TNRC6A: variants seen among roughly 807,000 people sequenced by gnomAD.
TNRC6A encodes the protein trinucleotide repeat containing adaptor 6A.
In TNRC6A, 44 loss-of-function variants were observed where a neutral mutation model predicts 221.2. The ratio of observed to expected loss-of-function variants is 0.20; its 90% confidence interval spans 0.16 to 0.26. The LOEUF (loss-of-function observed/expected upper bound fraction) is 0.26. Ranked by LOEUF, TNRC6A falls within the 10% of genes least tolerant of loss-of-function variation. The pLI, the probability that TNRC6A is intolerant of heterozygous loss-of-function variation, is 1.00. For synonymous variants in TNRC6A, 847 were observed against 838.5 expected, an observed-to-expected ratio of 1.01 and a Z score of -0.18; for missense variants, 2,199 against 2,404.4, an observed-to-expected ratio of 0.91 and a Z score of 1.79.
chr16:24,642,117 T>C (rs1311266088), intron 2 of TNRC6A, among the ~76,000 whole-genome samples: 1 of 152,100 alleles, frequency 6.6e-6, no homozygotes, highest in Non-Finnish European at 1.5e-5. Context: ...TGATCGTGTG[T>C]CTCCTGACAG....
intron 2 of TNRC6A, among the ~76,000 whole-genome samples, chr16:24,741,190 G>A (rs896077284): frequency 2.0e-5 from 3 of 152,132 alleles, no homozygotes; most frequent in Non-Finnish European, 2.9e-5. Context: ...GCTCAGTGTC[G>A]AATAGGAAGT....
At chr16:24,754,384 A>T (rs2151443468) in intron 3 of TNRC6A, among the ~76,000 whole-genome samples, 1 of 152,308 alleles carries the variant, frequency 6.6e-6, no homozygotes, top group Non-Finnish European at 1.5e-5. Flanking sequence ...GCCCCAATAC[A>T]TTTCTAATTA....
At chr16:24,706,620 A>T (rs973066280) in intron 2 of TNRC6A, among the ~76,000 whole-genome samples, 1 of 149,534 alleles carries the variant, frequency 6.7e-6, no homozygotes, top group African/African-American at 2.5e-5. Context: ...TGAACCCAGG[A>T]GACGGAGCTT....
chr16:24,643,448 G>A (rs986866996), intron 2 of TNRC6A, among the ~76,000 whole-genome samples: 1 of 152,020 alleles, frequency 6.6e-6, no homozygotes, highest in Non-Finnish European at 1.5e-5. Context: ...TTTGCTTTAT[G>A]TGGTTTCTTT....
chr16:24,816,756 T>A, intron 19 of TNRC6A, 60 bp from the exon 20 acceptor site: 2 of 1,557,078 alleles, frequency 1.3e-6, no homozygotes, highest in South Asian at 2.5e-5. Flanking sequence ...TTTGGATATT[T>A]ATTAATGGAT....
intron 19 of TNRC6A, chr16:24,815,989 G>C (rs965682736): frequency 1.3e-5 from 2 of 153,118 alleles, no homozygotes; most frequent in Middle Eastern, 6.8e-3. Flanking sequence ...TTTGTGATTT[G>C]TCTTAAAGCT....
At chr16:24,700,696 C>T (rs904458496) in intron 2 of TNRC6A, among the ~76,000 whole-genome samples, 3 of 152,198 alleles carry the variant, frequency 2.0e-5, no homozygotes, top group Middle Eastern at 3.4e-3. Context: ...AAGTGCTGAC[C>T]GCTGTGCCTG....
intron 2 of TNRC6A, chr16:24,664,856 C>T (rs753598471): frequency 1.5e-5 from 7 of 453,290 alleles, no homozygotes; most frequent in South Asian, 7.8e-5. Flanking sequence ...AAATGAAGGT[C>T]GAGTTTTGCA....
chr16:24,720,818 G>A (rs1443927619), intron 2 of TNRC6A, among the ~76,000 whole-genome samples: 2 of 150,102 alleles, frequency 1.3e-5, no homozygotes, highest in African/African-American at 4.9e-5. Context: ...GGTGGATCAC[G>A]AGGTCAGGAG....
intron 2 of TNRC6A, among the ~76,000 whole-genome samples, chr16:24,688,876 T>C (rs2055694167): frequency 6.6e-6 from 1 of 152,174 alleles, no homozygotes; most frequent in South Asian, 2.1e-4. Context: ...TCCACATTGG[T>C]TAAACCAGTT....
chr16:24,790,992 G>A lies in TNRC6A; in HGVS notation c.2350G>A (p.Gly784Ser). 6.3e-7 allele frequency: 1 copy of A among 1,599,286 alleles called. No homozygotes were observed. The highest frequency in any genetic ancestry group is 8.5e-7 in the Non-Finnish European group (1 of 1,172,634). The change falls in exon 6 of 25, where the codon GGC becomes AGC. Residue 784 changes from glycine (G) to serine (S), a missense_variant. By Grantham distance (56) the Gly-to-Ser change is moderately conservative (BLOSUM62 0). This residue lies in a region of TNRC6A where 1,405 missense variants were observed against 1,400.2 expected (regional missense o/e 1.00). Transcript: ENST00000395799. ...GNDTSSVSGW[G>S]DPKPALRWGD... ...TGATACCTCATCTGTATCAGGGTGG[G>A]GCGATCCCAAACCTGCTCTGAGGTG... is the stretch of plus-strand genomic sequence containing the variant.
At chr16:24,664,102 C>G (rs1050418742) in intron 2 of TNRC6A, 8 of 342,814 alleles carry the variant, frequency 2.3e-5, no homozygotes, top group African/African-American at 1.5e-4. Context: ...GAAGCAGAGG[C>G]GGGTGGATCA....
intron 18 of TNRC6A, among the ~76,000 whole-genome samples, chr16:24,810,152 T>C (rs539287247): frequency 6.6e-6 from 1 of 152,366 alleles, no homozygotes; most frequent in South Asian, 2.1e-4. Flanking sequence ...TATGGACACA[T>C]TTCTTTATAT....
chr16:24,721,960 T>A lies in TNRC6A; in HGVS notation n.403-28766T>A, dbSNP rs148230551. Among the ~76,000 whole-genome samples, 36 of 152,274 alleles carry A rather than the reference T, an allele frequency of 2.4e-4. No homozygotes were observed. The East Asian group carries it at 6.5e-3, about 28-fold the overall frequency. ...AACAGACAGCACTAATTTGTGGTGA[T>A]GTGAATCAGAAAAGCGGTTTCCTGG... is the stretch of plus-strand genomic sequence containing the variant. On this transcript the variant is annotated intron_variant and non_coding_transcript_variant, in intron 2 of 2. Transcript: ENST00000566108.
intron 2 of TNRC6A, among the ~76,000 whole-genome samples, chr16:24,680,885 G>A (rs1036184124): frequency 3.3e-5 from 5 of 150,834 alleles, no homozygotes; most frequent in African/African-American, 9.8e-5. Flanking sequence ...TCAGCCTCCC[G>A]AGTAGCTGAG....
chr16:24,738,596 C>T (rs1048476218), intron 2 of TNRC6A, among the ~76,000 whole-genome samples: 2 of 152,282 alleles, frequency 1.3e-5, no homozygotes, highest in South Asian at 2.1e-4. Context: ...TTTCAAGGTT[C>T]GTCCATCATG....
chr16:24,825,104 G>GTT lies in TNRC6A; in HGVS notation c.*1298_*1299insTT, dbSNP rs2058843507. 1 of 152,546 alleles carries GTT rather than the reference G, an allele frequency of 6.6e-6. No homozygotes were observed. The highest frequency in any genetic ancestry group is 6.5e-5 in the Admixed American group (1 of 15,276). 9.4% of individuals were successfully genotyped at this position (152,546 alleles called of 1,614,324 possible). On this transcript the variant is annotated 3_prime_UTR_variant, in exon 25 of 25. Transcript: ENST00000395799. ...AGTAACTATGCATACTGTAACCAAGGTATTGGGCTTACAGAGTTGTTTGTT... is the reference window on the plus strand; with the variant it reads ...AGTAACTATGCATACTGTAACCAAGGTTTATTGGGCTTACAGAGTTGTTTGTT...
chr16:24,646,187 T>A (rs1483921476), intron 2 of TNRC6A, among the ~76,000 whole-genome samples: 1 of 152,202 alleles, frequency 6.6e-6, no homozygotes, highest in Non-Finnish European at 1.5e-5. Context: ...TCATATACAC[T>A]ATGATATTGC....
At position 24,790,995 on chromosome 16, in the gene TNRC6A, G is replaced by T. The variant is rs201394419; in HGVS notation, c.2353G>T (p.Asp785Tyr). 6 of 1,597,152 alleles carry T rather than the reference G, an allele frequency of 3.8e-6. No individual in the cohort carries two copies. In the Admixed American group the frequency reaches 5.1e-5, roughly 14 times the overall value. ...NDTSSVSGWGDPKPALRWGDS... is the reference protein window; with the variant it reads ...NDTSSVSGWGYPKPALRWGDS... ...TACCTCATCTGTATCAGGGTGGGGC[G>T]ATCCCAAACCTGCTCTGAGGTGGGG... Residue 785 changes from aspartate to tyrosine, a missense_variant, in exon 6 of 25, where the codon GAT (aspartate) becomes TAT (tyrosine). Around this residue, in one of 8 missense-constraint regions of TNRC6A, gnomAD observed 1,405 missense variants for 1,400.2 expected, o/e 1.00. Transcript: ENST00000395799.
Sources: allele counts gnomAD v4.1 joint callset (sites outside exome capture counted in the v4.1 genomes callset), GRCh38; gene constraint gnomAD v4.1.1; regional missense constraint gnomAD v4.1.1; transcripts MANE v1.5; gene names NCBI Gene and HGNC (gene_info 2026-07-23, HGNC 2026-07-21).